Variants in ACTR2 observed in about 807,000 individuals in gnomAD.
ACTR2 encodes the protein actin-related protein 2.
Under a neutral mutation model 50.2 loss-of-function variants are expected in ACTR2, and 5 were observed. That is an observed-to-expected ratio of 0.10 (90% CI 0.05 to 0.21). The LOEUF (loss-of-function observed/expected upper bound fraction) is 0.21. ACTR2 is among the 10% of genes least tolerant of loss of function. ACTR2 has a pLI of 1.00. For missense variants in ACTR2, 180 were observed against 480.6 expected (o/e 0.37, Z 5.85); for synonymous variants, 140 against 162.9 (o/e 0.86, Z 1.07).
At chr2:65,255,400 T>A (rs1265975839) in intron 5 of ACTR2, 145 bp from the exon 6 acceptor site, 3 of 622,726 alleles carry the variant, frequency 4.8e-6, no homozygotes, top group Non-Finnish European at 8.0e-6. Flanking sequence ...GCGGATAAAA[T>A]CCTGCTTCTG....
chr2:65,261,010 G>T (rs931869513), intron 6 of ACTR2, among the ~76,000 whole-genome samples: 4 of 152,044 alleles, frequency 2.6e-5, no homozygotes, highest in Non-Finnish European at 4.4e-5. Context: ...GATTACAGAC[G>T]TGAGCCACCA....
At chr2:65,251,184 A>G in intron 4 of ACTR2, 85 bp downstream of exon 4, 1 of 904,162 alleles carries the variant, frequency 1.1e-6, no homozygotes, top group Non-Finnish European at 1.7e-6. Flanking sequence ...GTTTCTCAAT[A>G]AGTTATAAGC....
chr2:65,265,164 G>A lies in ACTR2; in HGVS notation c.1003G>A (p.Glu335Lys). ...YLERVLKGDV[E>K]KLSKFKIRIE... ...AGAACGAGTTTTGAAGGGTGATGTG[G>A]AAAAACTTTCTGTAAGTATTAGTAA... Residue 335 changes from glutamate (E) to lysine (K), a missense_variant, in exon 8 of 9, where the codon GAA becomes AAA. Glu to Lys is a moderately conservative substitution (Grantham distance 56). Transcript: ENST00000260641. 11 of 1,614,182 alleles carry A rather than the reference G, an allele frequency of 6.8e-6. No homozygotes were observed. Among genetic ancestry groups the A allele is most frequent in the Non-Finnish European group, 9.3e-6 (11 of 1,180,024 alleles).
chr2:65,263,003 C>CATAT (rs943601300), intron 7 of ACTR2, among the ~76,000 whole-genome samples: 6 of 143,030 alleles, frequency 4.2e-5, no homozygotes, highest in Non-Finnish European at 6.1e-5. Flanking sequence ...AAAAAAAAAA[C>CATAT]ATATATATAT....
At chr2:65,259,915 A>G (rs906648366) in intron 6 of ACTR2, among the ~76,000 whole-genome samples, 10 of 152,224 alleles carry the variant, frequency 6.6e-5, no homozygotes, top group African/African-American at 1.4e-4. Flanking sequence ...AAATATGAAC[A>G]TGATGTGTGA....
chr2:65,247,861 G>A (rs552503538), intron 3 of ACTR2, among the ~76,000 whole-genome samples: 144 of 152,242 alleles, frequency 9.5e-4, no homozygotes, highest in African/African-American at 3.3e-3. Flanking sequence ...TCAGGTTAAC[G>A]GGGAGTGGGA....
At chr2:65,230,642 G>T (rs981491447) in intron 1 of ACTR2, among the ~76,000 whole-genome samples, 9 of 151,944 alleles carry the variant, frequency 5.9e-5, no homozygotes, top group Admixed American at 2.6e-4. Context: ...AACTCCTGGG[G>T]TTAAAAGATC....
At chr2:65,267,885 T>C (rs1347970277) in intron 8 of ACTR2, among the ~76,000 whole-genome samples, 2 of 139,266 alleles carry the variant, frequency 1.4e-5, no homozygotes, top group Admixed American at 1.4e-4. Flanking sequence ...TTTTTTTTTT[T>C]TTTTTGAGAT....
intron 2 of ACTR2, among the ~76,000 whole-genome samples, chr2:65,241,079 G>C (rs553969137): frequency 6.6e-6 from 1 of 152,048 alleles, no homozygotes; most frequent in African/African-American, 2.4e-5. Flanking sequence ...GGGACACTCA[G>C]TGTAAGTTTT....
chr2:65,244,506 CTGTTCATT>C (rs1421552047), intron 2 of ACTR2, among the ~76,000 whole-genome samples: 1 of 152,130 alleles, frequency 6.6e-6, no homozygotes, highest in Non-Finnish European at 1.5e-5. Context: ...ATCTGTTCAT[CTGTTCATT>C]CATCAGTGCA....
chr2:65,251,438 C>T (rs1672048888), intron 4 of ACTR2, among the ~76,000 whole-genome samples: 1 of 152,054 alleles, frequency 6.6e-6, no homozygotes, highest in African/African-American at 2.4e-5. Context: ...CTTGGCTTAC[C>T]ACAACCTCCA....
intron 1 of ACTR2, among the ~76,000 whole-genome samples, chr2:65,237,054 G>T (rs1001422696): frequency 2.0e-5 from 3 of 152,038 alleles, no homozygotes; most frequent in African/African-American, 7.3e-5. Flanking sequence ...AATATTTATT[G>T]ATCATTTACT....
intron 7 of ACTR2, among the ~76,000 whole-genome samples, chr2:65,262,403 T>G (rs965788199): frequency 4.0e-5 from 6 of 151,668 alleles, no homozygotes; most frequent in Non-Finnish European, 7.4e-5. Context: ...AATTTTTTTT[T>G]TTTTTTTTGT....
chr2:65,251,221 C>A, intron 4 of ACTR2, 122 bp downstream of exon 4: 1 of 485,330 alleles, frequency 2.1e-6, no homozygotes, highest in East Asian at 3.4e-5. Context: ...ATTTATATAC[C>A]ACACTTTGAA....
chr2:65,256,623 G>C (rs1015440707), intron 6 of ACTR2, among the ~76,000 whole-genome samples: 6 of 152,164 alleles, frequency 3.9e-5, no homozygotes, highest in Non-Finnish European at 7.4e-5. Context: ...TGTAATCCCA[G>C]CACTTTGGGA....
chr2:65,254,626 G>T (rs2104008531), intron 5 of ACTR2, among the ~76,000 whole-genome samples: 1 of 152,242 alleles, frequency 6.6e-6, no homozygotes, highest in East Asian at 1.9e-4. Context: ...GCAATTTCTG[G>T]ACACATTTTT....
Position 65,270,914 on chromosome 2 carries a change from T to TG in ACTR2, c.*2180_*2181insG, listed in dbSNP as rs928825143. On this transcript the variant is annotated 3_prime_UTR_variant, in exon 9 of 9. Transcript: ENST00000260641. ...TGAGTCCCTCAGGAAAAAAAAAAAA[T>TG]TCTGTTTTAAAAAGCAATCTGATTC... 5.9e-5 allele frequency: 9 copies of TG among 151,810 alleles called. No homozygotes were observed. The highest frequency in any genetic ancestry group is 1.9e-4 in the African/African-American group (8 of 41,296). The allele number at this position is 151,810 out of a possible 1,614,324, so 9.4% of individuals were successfully genotyped here.
chr2:65,229,542 A>G (rs1404693457), intron 1 of ACTR2, among the ~76,000 whole-genome samples: 1 of 151,988 alleles, frequency 6.6e-6, no homozygotes, highest in Non-Finnish European at 1.5e-5. Flanking sequence ...GATCACCTGA[A>G]GTCAGGAGTT....
chr2:65,248,249 A>T (rs1273573768), intron 3 of ACTR2, among the ~76,000 whole-genome samples: 1 of 151,994 alleles, frequency 6.6e-6, no homozygotes, highest in African/African-American at 2.4e-5. Flanking sequence ...AAAATACAAA[A>T]ATTAACTGGG....
Sources: gnomAD v4.1 joint callset for allele counts (sites outside exome capture counted in the v4.1 genomes callset) on GRCh38, gnomAD v4.1.1 for gene constraint, MANE v1.5 for transcripts, NCBI Gene and HGNC (gene_info 2026-07-23, HGNC 2026-07-21) for gene names.